The following DLG2 variants were observed in gnomAD, a reference collection of about 807,000 sequenced individuals.
DLG2 encodes discs large MAGUK scaffold protein 2.
In DLG2, 45 loss-of-function variants were observed where a neutral mutation model predicts 132.5. The ratio of observed to expected loss-of-function variants is 0.34; its 90% CI spans 0.27 to 0.44. DLG2 has a LOEUF of 0.44. Among genes scored for constraint, DLG2 ranks in the 20% least tolerant of loss-of-function variants. The pLI, the probability that DLG2 is intolerant of heterozygous loss-of-function variation, is 1.00. For missense variants in DLG2, 1,045 were observed against 1,196.9 expected (o/e 0.87, Z 1.87); for synonymous variants, 424 against 419.6 (o/e 1.01, Z -0.13).
intron 4 of DLG2, among the ~76,000 whole-genome samples, chr11:85,219,872 T>C (rs1040557159): frequency 1.1e-4 from 16 of 151,794 alleles, no homozygotes; most frequent in Non-Finnish European, 2.4e-4. Flanking sequence ...TCTGAAATTC[T>C]GCATTTGGAG....
At chr11:85,382,404 C>T (rs1350433726) in intron 3 of DLG2, among the ~76,000 whole-genome samples, 1 of 151,872 alleles carries the variant, frequency 6.6e-6, no homozygotes, top group Non-Finnish European at 1.5e-5. Context: ...AGAGCTAAAA[C>T]TATAAAACCC....
intron 3 of DLG2, among the ~76,000 whole-genome samples, chr11:85,497,005 C>A (rs192612842): frequency 6.6e-5 from 10 of 152,076 alleles, no homozygotes; most frequent in Non-Finnish European, 1.5e-5. Flanking sequence ...ATTCCAAAAA[C>A]CAGAATGCCT....
chr11:84,591,762 G>A (rs2099543899), intron 6 of DLG2, among the ~76,000 whole-genome samples: 2 of 152,170 alleles, frequency 1.3e-5, no homozygotes, highest in African/African-American at 2.4e-5. Flanking sequence ...AATTACCTGG[G>A]AAGCATTTAC....
At chr11:84,920,827 A>G (rs1171395650) in intron 6 of DLG2, among the ~76,000 whole-genome samples, 1 of 152,170 alleles carries the variant, frequency 6.6e-6, no homozygotes, top group Non-Finnish European at 1.5e-5. Context: ...ATATTTTATA[A>G]AGGTCCTATT....
At chr11:84,028,725 T>C (rs1045189631) in intron 11 of DLG2, among the ~76,000 whole-genome samples, 2 of 152,084 alleles carry the variant, frequency 1.3e-5, no homozygotes, top group African/African-American at 4.8e-5. Flanking sequence ...TCCAAACTAC[T>C]TCTTGTCCCT....
At chr11:85,183,106 G>A (rs1183287425) in intron 4 of DLG2, among the ~76,000 whole-genome samples, 1 of 151,754 alleles carries the variant, frequency 6.6e-6, no homozygotes, top group Non-Finnish European at 1.5e-5. Flanking sequence ...ACCAAGCTTA[G>A]CAGAATATTA....
Position 83,459,521 on chromosome 11 carries a change from G to A in DLG2, c.*297C>T. The stretch of plus-strand genomic sequence containing the variant: ...AAATCAGCTCTGGACATCTGCTGGG[G>A]TGAGGAGGCTCTCATCTCATCTCTT... On this transcript the variant is annotated 3_prime_UTR_variant, in exon 28 of 28. Coordinates refer to ENST00000376104, the MANE Select transcript of DLG2 (RefSeq NM_001142699.3). 1 of 234,746 alleles carries A rather than the reference G, an allele frequency of 4.3e-6. No individual in the cohort carries two copies. Among genetic ancestry groups the A allele is most frequent in the Non-Finnish European group, 8.3e-6 (1 of 119,842 alleles). The allele number at this position is 234,746 out of a possible 1,614,324, so 14.5% of individuals were successfully genotyped here.
intron 15 of DLG2, among the ~76,000 whole-genome samples, chr11:83,892,788 C>T (rs535962749): frequency 7.2e-5 from 11 of 152,124 alleles, no homozygotes; most frequent in South Asian, 2.1e-4. Context: ...CTCCATATCT[C>T]GGCTTCCCAA....
chr11:84,208,271 T>A (rs910767431), intron 8 of DLG2, among the ~76,000 whole-genome samples: 1 of 151,950 alleles, frequency 6.6e-6, no homozygotes, highest in Admixed American at 6.6e-5. Flanking sequence ...CCGACTTTGG[T>A]GCACTCTCTC....
At chr11:84,462,948 G>T (rs2099084428) in intron 7 of DLG2, among the ~76,000 whole-genome samples, 1 of 151,214 alleles carries the variant, frequency 6.6e-6, no homozygotes. Flanking sequence ...CAACGTAAGA[G>T]CTAGCTTTCG....
chr11:84,536,329 A>G (rs956507084), intron 6 of DLG2, among the ~76,000 whole-genome samples: 2 of 152,068 alleles, frequency 1.3e-5, no homozygotes, highest in African/African-American at 4.8e-5. Flanking sequence ...TGCAGTCTGA[A>G]TCCTCTTTCA....
At chr11:84,706,274 C>G (rs2059770293) in intron 6 of DLG2, among the ~76,000 whole-genome samples, 1 of 151,794 alleles carries the variant, frequency 6.6e-6, no homozygotes, top group African/African-American at 2.4e-5. Flanking sequence ...AATAATAGCA[C>G]AAGGTGCTAA....
chr11:84,407,772 C>G (rs906761253), intron 7 of DLG2, among the ~76,000 whole-genome samples: 4 of 152,178 alleles, frequency 2.6e-5, no homozygotes, highest in Admixed American at 1.3e-4. Context: ...GTGACTTTTT[C>G]AAGGTTGCAC....
chr11:83,939,417 G>C (rs940516617), intron 14 of DLG2, among the ~76,000 whole-genome samples: 6 of 152,050 alleles, frequency 3.9e-5, no homozygotes, highest in Admixed American at 3.3e-4. Flanking sequence ...TGAAACCACA[G>C]TGTAGAGAAA....
intron 5 of DLG2, among the ~76,000 whole-genome samples, chr11:85,136,643 A>G (rs1019105189): frequency 2.6e-5 from 4 of 152,230 alleles, no homozygotes; most frequent in African/African-American, 9.6e-5. Flanking sequence ...CCTATCATTG[A>G]AAGTTTGATA....
At chr11:85,479,614 C>G (rs901323995) in intron 3 of DLG2, among the ~76,000 whole-genome samples, 1 of 152,156 alleles carries the variant, frequency 6.6e-6, no homozygotes, top group Non-Finnish European at 1.5e-5. Flanking sequence ...CTCTACTTAT[C>G]AGGAAAATGC....
chr11:85,441,596 A>T (rs2091779278), intron 3 of DLG2, among the ~76,000 whole-genome samples: 1 of 152,224 alleles, frequency 6.6e-6, no homozygotes, highest in South Asian at 2.1e-4. Context: ...AGCTCTGAAT[A>T]TACAACGGTG....
intron 15 of DLG2, among the ~76,000 whole-genome samples, chr11:83,929,009 A>T (rs2079595022): frequency 6.6e-6 from 1 of 152,192 alleles, no homozygotes; most frequent in Non-Finnish European, 1.5e-5. Context: ...ATTTGTTAAA[A>T]ATATAGGTGG....
intron 3 of DLG2, among the ~76,000 whole-genome samples, chr11:85,380,138 C>T (rs980122796): frequency 1.3e-5 from 2 of 150,324 alleles, no homozygotes; most frequent in African/African-American, 4.9e-5. Context: ...AACTACTGAA[C>T]CTAGCTGTGC....
Sources: gnomAD v4.1 joint callset for allele counts (sites outside exome capture counted in the v4.1 genomes callset) on GRCh38, gnomAD v4.1.1 for gene constraint, MANE v1.5 for transcripts, NCBI Gene and HGNC (gene_info 2026-07-23, HGNC 2026-07-21) for gene names.